Variants in CNTN4 observed in about 807,000 individuals in gnomAD.
CNTN4 encodes contactin 4, also known as contactin-4.
Under a neutral mutation model 122.5 loss-of-function variants are expected in CNTN4, and 77 were observed. That is an observed-to-expected ratio of 0.63 (90% CI 0.52 to 0.76). The LOEUF is 0.76. CNTN4 is among the 30% of genes least tolerant of loss of function. CNTN4 has a pLI of 0.00. For missense variants in CNTN4, 1,256 were observed against 1,259.1 expected (o/e 1.00, Z 0.04); for synonymous variants, 512 against 447.0 (o/e 1.15, Z -1.83).
intron 3 of CNTN4, among the ~76,000 whole-genome samples, chr3:2,377,019 A>G (rs1011476783): frequency 6.6e-6 from 1 of 152,104 alleles, no homozygotes; most frequent in African/African-American, 2.4e-5. Context: ...AGCCAGGCAT[A>G]GTGGAGCACA....
At chr3:2,196,762 G>A (rs1238503963) in intron 2 of CNTN4, among the ~76,000 whole-genome samples, 1 of 151,982 alleles carries the variant, frequency 6.6e-6, no homozygotes, top group Non-Finnish European at 1.5e-5. Flanking sequence ...AGAAATGCCT[G>A]GGCCGGGCAC....
chr3:2,499,242 T>C (rs1263320237), intron 3 of CNTN4, among the ~76,000 whole-genome samples: 3 of 152,234 alleles, frequency 2.0e-5, no homozygotes, highest in African/African-American at 7.2e-5. Flanking sequence ...TAGGTTGATA[T>C]TCATTTGTCT....
At chr3:2,545,737 C>A (rs377133632) in intron 3 of CNTN4, among the ~76,000 whole-genome samples, 5 of 151,404 alleles carry the variant, frequency 3.3e-5, no homozygotes, top group Admixed American at 2.0e-4. Context: ...TCTTCCATTC[C>A]TTTATCTTGA....
chr3:2,374,306 G>C (rs1205445196), intron 3 of CNTN4, among the ~76,000 whole-genome samples: 1 of 152,168 alleles, frequency 6.6e-6, no homozygotes, highest in Non-Finnish European at 1.5e-5. Flanking sequence ...AGGTTACCCA[G>C]CTCCCTTAAA....
At chr3:2,916,757 T>C (rs1448834667) in intron 12 of CNTN4, among the ~76,000 whole-genome samples, 6 of 142,802 alleles carry the variant, frequency 4.2e-5, no homozygotes, top group East Asian at 2.0e-4. Flanking sequence ...GAGGGGCTCC[T>C]CACTTCCCAG....
At position 2,857,111 on chromosome 3, in the gene CNTN4, C is replaced by G. The variant is rs144976373; in HGVS notation, c.455-9641C>G. ...CTCCCCAGCAATGGGACCCACACTC[C>G]TTCCTAGAGAGAACCTGGGATCAAA... On this transcript the variant is annotated intron_variant, in intron 7 of 24. Coordinates refer to ENST00000418658, the MANE Select transcript of CNTN4 (RefSeq NM_175607.3). Among the ~76,000 whole-genome samples the G allele has an allele frequency of 1.6e-4, 24 of 152,330 alleles. No homozygotes were observed. In the East Asian group the frequency reaches 4.2e-3, roughly 27 times the overall value.
intron 4 of CNTN4, among the ~76,000 whole-genome samples, chr3:2,602,301 T>C (rs1244089255): frequency 6.6e-6 from 1 of 152,172 alleles, no homozygotes; most frequent in Non-Finnish European, 1.5e-5. Flanking sequence ...TGTAGTCAAA[T>C]TGTCCCTGTT....
chr3:2,389,247 G>A (rs945775229), intron 3 of CNTN4, among the ~76,000 whole-genome samples: 3 of 151,408 alleles, frequency 2.0e-5, no homozygotes, highest in African/African-American at 4.9e-5. Context: ...CCTTTTCACC[G>A]TGATCTATCT....
At chr3:2,769,930 A>G (rs1304568263) in intron 6 of CNTN4, among the ~76,000 whole-genome samples, 1 of 152,050 alleles carries the variant, frequency 6.6e-6, no homozygotes, top group Admixed American at 6.5e-5. Context: ...GGGCCTTGGC[A>G]CCTGTGCTAG....
intron 11 of CNTN4, among the ~76,000 whole-genome samples, chr3:2,901,284 T>G (rs1460583826): frequency 2.0e-5 from 3 of 152,190 alleles, no homozygotes; most frequent in African/African-American, 4.8e-5. Flanking sequence ...ATTTTCCTTA[T>G]GTATTTTCCT....
intron 3 of CNTN4, among the ~76,000 whole-genome samples, chr3:2,503,637 C>T (rs886974159): frequency 6.6e-6 from 1 of 152,082 alleles, no homozygotes; most frequent in African/African-American, 2.4e-5. Context: ...GGCTGTCTGA[C>T]TCTAGAATTT....
intron 2 of CNTN4, among the ~76,000 whole-genome samples, chr3:2,308,601 C>G (rs1402343857): frequency 6.6e-6 from 1 of 152,038 alleles, no homozygotes; most frequent in African/African-American, 2.4e-5. Context: ...TTTCATGCAT[C>G]TCAAAGTCTG....
At chr3:2,735,173 T>C (rs2088990825) in intron 4 of CNTN4, among the ~76,000 whole-genome samples, 2 of 152,182 alleles carry the variant, frequency 1.3e-5, no homozygotes, top group Admixed American at 6.5e-5. Flanking sequence ...GATAAGCGTC[T>C]TGGGAAATAT....
intron 8 of CNTN4, among the ~76,000 whole-genome samples, chr3:2,879,788 C>T (rs2093886033): frequency 6.6e-6 from 1 of 152,038 alleles, no homozygotes; most frequent in African/African-American, 2.4e-5. Flanking sequence ...CATGACTCAG[C>T]AAATCTGCTA....
In CNTN4 at chr3:3,014,246, C is replaced by T. The variant is rs545209761; in HGVS notation, c.1487-11856C>T. Among the ~76,000 whole-genome samples the T allele has an allele frequency of 4.6e-5, 7 of 152,222 alleles. No individual in the cohort carries two copies. The East Asian group carries it at 7.7e-4, about 17-fold the overall frequency. On this transcript the variant is annotated intron_variant, in intron 14 of 24. Coordinates refer to ENST00000418658, the MANE Select transcript of CNTN4 (RefSeq NM_175607.3). ...TATCCTGCCAATTTTTAATGCTGAC[C>T]GTTTCTCAATACTTTCAGTCTGTAG... is the stretch of plus-strand genomic sequence containing the variant.
chr3:2,840,070 C>T (rs2093320298), intron 7 of CNTN4, among the ~76,000 whole-genome samples: 1 of 152,116 alleles, frequency 6.6e-6, no homozygotes, highest in African/African-American at 2.4e-5. Context: ...GGTCAAGCCT[C>T]CTCATTATGA....
intron 3 of CNTN4, among the ~76,000 whole-genome samples, chr3:2,445,886 G>A (rs1361750878): frequency 6.6e-6 from 1 of 152,016 alleles, no homozygotes; most frequent in Non-Finnish European, 1.5e-5. Context: ...GCAGAGATGG[G>A]GGAAGCCTAC....
intron 2 of CNTN4, among the ~76,000 whole-genome samples, chr3:2,224,267 A>G (rs1052719515): frequency 4.9e-4 from 75 of 152,298 alleles, no homozygotes; most frequent in African/African-American, 1.6e-3. Context: ...CTGAGCCTCA[A>G]CAATAGGCAG....
At chr3:2,978,041 G>T (rs918616905) in intron 13 of CNTN4, among the ~76,000 whole-genome samples, 1 of 152,136 alleles carries the variant, frequency 6.6e-6, no homozygotes. Flanking sequence ...TGAACCAAAG[G>T]GTTTCTCCCG....
Sources: gnomAD v4.1 joint callset for allele counts (sites outside exome capture counted in the v4.1 genomes callset) on GRCh38, gnomAD v4.1.1 for gene constraint, MANE v1.5 for transcripts, NCBI Gene and HGNC (gene_info 2026-07-23, HGNC 2026-07-21) for gene names.